Variants in COBL observed in about 807,000 individuals in gnomAD.
COBL encodes protein cordon-bleu.
Under a neutral mutation model 98.8 loss-of-function variants are expected in COBL, and 51 were observed. That is an observed-to-expected ratio of 0.52 (90% confidence interval 0.41 to 0.65). The LOEUF (loss-of-function observed/expected upper bound fraction) is 0.65, where lower values mean the gene tolerates loss of function less well. COBL is among the 30% of genes least tolerant of loss of function. The pLI is 0.00. For synonymous variants in COBL, 634 were observed against 651.7 expected, an observed-to-expected ratio of 0.97 and a Z score of 0.41; for missense variants, 1,617 against 1,617.5, an observed-to-expected ratio of 1.00 and a Z score of 0.01.
intron 7 of COBL, chr7:51,065,468 A>C: frequency 1.4e-6 from 1 of 690,804 alleles, no homozygotes; most frequent in Non-Finnish European, 2.7e-6. Context: ...GCAAGGAGGA[A>C]ATTCAAAGTC....
chr7:51,290,859 G>A (rs924053173), intron 1 of COBL, among the ~76,000 whole-genome samples: 1 of 152,086 alleles, frequency 6.6e-6, no homozygotes, highest in African/African-American at 2.4e-5. Context: ...CTGAAGCAGG[G>A]TGCCTCCCCA....
At chr7:51,233,998 G>A (rs1211666104) in intron 1 of COBL, among the ~76,000 whole-genome samples, 1 of 152,150 alleles carries the variant, frequency 6.6e-6, no homozygotes, top group Admixed American at 6.5e-5. Context: ...ATTTTATTTA[G>A]GATGAATTAT....
intron 1 of COBL, among the ~76,000 whole-genome samples, chr7:51,295,297 A>AC (rs1801321481): frequency 6.6e-6 from 1 of 151,708 alleles, no homozygotes. Flanking sequence ...AAAAAAAAAA[A>AC]ACAACCTACA....
At chr7:51,291,698 T>C (rs1584420370) in intron 1 of COBL, among the ~76,000 whole-genome samples, 1 of 150,610 alleles carries the variant, frequency 6.6e-6, no homozygotes, top group Non-Finnish European at 1.5e-5. Context: ...GAAGTGGAGG[T>C]TGCAGTGAGC....
intron 1 of COBL, among the ~76,000 whole-genome samples, chr7:51,242,829 G>A (rs118034534): frequency 0.028 from 4,322 of 152,274 alleles, 97 homozygotes; most frequent in Middle Eastern, 0.075. Flanking sequence ...CTCTCTGGGA[G>A]GCCCTGTCGA....
Position 51,316,762 on chromosome 7 carries a change from G to T in COBL, c.-129C>A. 1.4e-6 allele frequency: 1 copy of T among 736,468 alleles called. No homozygotes were observed. The highest frequency in any genetic ancestry group is 1.8e-6 in the Non-Finnish European group (1 of 548,366). The allele number at this position is 736,468 out of a possible 1,614,324, so 45.6% of individuals were successfully genotyped here. A position where few individuals can be genotyped will look rare whatever the true frequency, so the allele number is the denominator to read the frequency against. ...CATCGTCCTCCCACGCGGGCCGGCG[G>T]AGGACAGCGGCGGAGCGCGGCGGAC... is the stretch of plus-strand genomic sequence containing the variant. On this transcript the variant is annotated 5_prime_UTR_variant, in exon 1 of 13. Transcript: ENST00000265136.
intron 6 of COBL, among the ~76,000 whole-genome samples, chr7:51,115,665 T>C (rs749143709): frequency 4.6e-5 from 7 of 152,124 alleles, no homozygotes; most frequent in Non-Finnish European, 8.8e-5. Flanking sequence ...ACATACCACA[T>C]TGTACTAGAA....
At chr7:51,174,746 C>T (rs1021303939) in intron 5 of COBL, among the ~76,000 whole-genome samples, 2 of 152,232 alleles carry the variant, frequency 1.3e-5, no homozygotes, top group South Asian at 2.1e-4. Flanking sequence ...TGTATCAGCC[C>T]ACTCCTTGTC....
chr7:51,086,300 T>C (rs1583737842), intron 6 of COBL, among the ~76,000 whole-genome samples: 1 of 134,858 alleles, frequency 7.4e-6, no homozygotes, highest in South Asian at 2.3e-4. Context: ...GAGGTTGCAG[T>C]GAGCCGAGAT....
chr7:51,167,118 G>A (rs1367814753), intron 5 of COBL, among the ~76,000 whole-genome samples: 5 of 152,072 alleles, frequency 3.3e-5, no homozygotes, highest in Non-Finnish European at 7.4e-5. Context: ...CCAGACAAGA[G>A]AAAGATATAA....
intron 8 of COBL, chr7:51,031,777 G>C (rs939109714): frequency 4.6e-5 from 7 of 152,298 alleles, no homozygotes; most frequent in African/African-American, 1.7e-4. Flanking sequence ...GCAGGGGCAG[G>C]GCTTGGGGGC....
intron 6 of COBL, among the ~76,000 whole-genome samples, chr7:51,093,889 G>C (rs1239853269): frequency 6.8e-6 from 1 of 147,126 alleles, no homozygotes; most frequent in African/African-American, 2.5e-5. Flanking sequence ...ACCAGGCCCT[G>C]ACACCAAAAG....
Position 51,028,615 on chromosome 7 carries a change from G to A in COBL, c.2481C>T (p.Asn827=). ...QQKSAHHEGR[N]PLGEGRNQPP... Reference sequence around the variant, plus strand: ...GCTGGTTTCTCCCCTCCCCTAGGGGGTTCCGGCCCTCATGGTGGGCAGACT... The same window carrying A: ...GCTGGTTTCTCCCCTCCCCTAGGGGATTCCGGCCCTCATGGTGGGCAGACT... Residue 827 remains asparagine, a synonymous_variant, in exon 10 of 13, where the codon AAC becomes AAT. Transcript: ENST00000265136. 1.2e-6 allele frequency: 2 copies of A among 1,613,772 alleles called. No homozygotes were observed. Among genetic ancestry groups the A allele is most frequent in the African/African-American group, 1.3e-5 (1 of 75,030 alleles).
At chr7:51,237,637 G>C (rs1470676621) in intron 1 of COBL, among the ~76,000 whole-genome samples, 2 of 150,880 alleles carry the variant, frequency 1.3e-5, no homozygotes, top group Non-Finnish European at 2.9e-5. Context: ...GTTTAATGTA[G>C]TATTATTAAA....
chr7:51,029,339 T>C lies in COBL; in HGVS notation c.1757A>G (p.His586Arg), dbSNP rs1246586748. 3.1e-6 allele frequency: 5 copies of C among 1,603,992 alleles called. No individual in the cohort carries two copies. Among genetic ancestry groups the C allele is most frequent in the Non-Finnish European group, 4.3e-6 (5 of 1,173,876 alleles). Reference protein sequence around the residue: ...RDSLAPLQAEHSQPHEKAREE... With the variant: ...RDSLAPLQAERSQPHEKAREE... ...CCTTGCCTTTTCATGGGGCTGGCTG[T>C]GCTCAGCTTGAAGTGGCGCCAGGGA... The change falls in exon 10 of 13, where the codon CAC becomes CGC. Residue 586 changes from histidine (H) to arginine (R), a missense_variant. His to Arg is a conservative substitution (Grantham distance 29). This residue lies in a region of COBL where 1,304 missense variants were observed against 1,282.0 expected (regional missense o/e 1.02). Coordinates refer to ENST00000265136, the MANE Select transcript of COBL (RefSeq NM_015198.5).
chr7:51,052,331 C>T lies in COBL; in HGVS notation c.1097-8639G>A, dbSNP rs146200759. Among the ~76,000 whole-genome samples the T allele has an allele frequency of 3.3e-3, 507 of 152,286 alleles. 4 individuals are homozygous for T. The highest frequency in any genetic ancestry group is 0.012 in the African/African-American group (483 of 41,558). On this transcript the variant is annotated intron_variant, in intron 7 of 12. Transcript: ENST00000265136. ...AGTCAAATTAAGGTTCTTTAACCAA[C>T]GTGTTACATGAATCCTACTGAGTAT...
intron 1 of COBL, among the ~76,000 whole-genome samples, chr7:51,263,009 C>T (rs1797854711): frequency 6.6e-6 from 1 of 152,208 alleles, no homozygotes; most frequent in African/African-American, 2.4e-5. Context: ...CTCGTCTCCA[C>T]ACCAGGGCAG....
At chr7:51,177,974 G>A (rs971391069) in intron 5 of COBL, among the ~76,000 whole-genome samples, 3 of 151,766 alleles carry the variant, frequency 2.0e-5, no homozygotes, top group East Asian at 1.9e-4. Context: ...GGTGAAACCC[G>A]GTCTCTACTA....
At chr7:51,036,366 A>AG (rs1491141580) in intron 8 of COBL, among the ~76,000 whole-genome samples, 13 of 131,020 alleles carry the variant, frequency 9.9e-5, no homozygotes, top group African/African-American at 3.2e-4. Context: ...AAAAAAAAAA[A>AG]GCATAGTATT....
Sources: allele counts gnomAD v4.1 joint callset (sites outside exome capture counted in the v4.1 genomes callset), GRCh38; gene constraint gnomAD v4.1.1; regional missense constraint gnomAD v4.1.1; transcripts MANE v1.5; gene names NCBI Gene and HGNC (gene_info 2026-07-23, HGNC 2026-07-21).